Variants in PRR5 observed in about 807,000 individuals in gnomAD.
The protein encoded by PRR5 is proline-rich protein 5.
In PRR5, 25 loss-of-function variants were observed where a neutral mutation model predicts 30.6. That is an observed-to-expected ratio of 0.82 (90% CI 0.60 to 1.14). The LOEUF (loss-of-function observed/expected upper bound fraction) is 1.14, where lower values mean the gene tolerates loss of function less well. Ranked by LOEUF, PRR5 falls within the 50% of genes most tolerant of loss-of-function variation. PRR5 has a pLI of 0.00. For missense variants in PRR5, 600 were observed against 547.1 expected (o/e 1.10, Z -0.96); for synonymous variants, 286 against 247.1 (o/e 1.16, Z -1.48).
At chr22:44,702,189 C>T (rs1281385044), upstream of PRR5, 1 of 1,020,056 alleles carries the variant, frequency 9.8e-7, no homozygotes, top group Non-Finnish European at 1.2e-6. Flanking sequence ...TGGGCCCGCC[C>T]CCGGGTCCGC....
At chr22:44,693,240 G>A (rs1243456172) in intron 1 of PRR5, among the ~76,000 whole-genome samples, 1 of 152,140 alleles carries the variant, frequency 6.6e-6, no homozygotes, top group African/African-American at 2.4e-5. Context: ...AAGGTGGTTG[G>A]GTTGCTTGAT....
chr22:44,690,748 C>A (rs1177818561), intron 1 of PRR5, among the ~76,000 whole-genome samples: 1 of 152,152 alleles, frequency 6.6e-6, no homozygotes, highest in African/African-American at 2.4e-5. Context: ...AATAACCCAG[C>A]CGGAGGATGA....
chr22:44,704,660 G>A (rs979593653), intron 1 of PRR5, among the ~76,000 whole-genome samples: 4 of 151,928 alleles, frequency 2.6e-5, no homozygotes, highest in African/African-American at 7.3e-5. Context: ...GGCCAGCCCC[G>A]TTCACTGCCC....
chr22:44,731,595 C>T (rs572207861), intron 4 of PRR5, 135 bp from the exon 5 acceptor site: 7 of 781,990 alleles, frequency 9.0e-6, no homozygotes, highest in African/African-American at 5.1e-5. Flanking sequence ...AGCTGGACAT[C>T]GACCTTGGGC....
intron 2 of PRR5, among the ~76,000 whole-genome samples, 162 bp downstream of exon 2, chr22:44,714,833 C>G (rs1928813102): frequency 1.3e-5 from 2 of 152,188 alleles, no homozygotes; most frequent in Non-Finnish European, 2.9e-5. Context: ...TTAGCAGTGG[C>G]CATGGGGCCA....
intron 1 of PRR5, among the ~76,000 whole-genome samples, chr22:44,692,943 C>A (rs890526966): frequency 6.6e-6 from 1 of 152,124 alleles, no homozygotes; most frequent in African/African-American, 2.4e-5. Flanking sequence ...CTCCTCCTGG[C>A]CCCAGGAGTT....
upstream of PRR5, among the ~76,000 whole-genome samples, chr22:44,676,021 A>G (rs880857): frequency 0.066 from 10,055 of 151,972 alleles, 789 homozygotes; most frequent in African/African-American, 0.19. Flanking sequence ...CCTTAGCTCC[A>G]TTGTAGAAAC....
chr22:44,709,779 G>A (rs1927868431), intron 1 of PRR5, among the ~76,000 whole-genome samples: 1 of 152,186 alleles, frequency 6.6e-6, no homozygotes, highest in Non-Finnish European at 1.5e-5. Flanking sequence ...TTGAACCCAG[G>A]AGGCAGAGGT....
chr22:44,706,648 T>G (rs990840987), intron 1 of PRR5, among the ~76,000 whole-genome samples: 3 of 152,040 alleles, frequency 2.0e-5, no homozygotes, highest in Non-Finnish European at 4.4e-5. Flanking sequence ...CCCACCTCAG[T>G]CTCCCAAGTA....
chr22:44,729,604 T>A (rs1921546422), intron 4 of PRR5: 1 of 985,336 alleles, frequency 1.0e-6, no homozygotes, highest in Non-Finnish European at 1.2e-6. Context: ...TGAGTCCGCC[T>A]GGAGGAACTT....
At chr22:44,733,247 G>A (rs907510038) in intron 6 of PRR5, among the ~76,000 whole-genome samples, 1 of 152,194 alleles carries the variant, frequency 6.6e-6, no homozygotes, top group Non-Finnish European at 1.5e-5. Context: ...CCCTTCCCAG[G>A]CACCACACTT....
chr22:44,729,195 C>T (rs1022455133), intron 4 of PRR5: 69 of 690,034 alleles, frequency 1.0e-4, no homozygotes, highest in Non-Finnish European at 1.2e-4. Flanking sequence ...GTGCCTCGGC[C>T]GTCCCCGCGC....
At chr22:44,708,474 G>A (rs1027333457) in intron 1 of PRR5, among the ~76,000 whole-genome samples, 4 of 152,082 alleles carry the variant, frequency 2.6e-5, no homozygotes, top group African/African-American at 9.7e-5. Context: ...GGAACCAGCT[G>A]AGGCTGTGAC....
At chr22:44,689,138 C>T (rs6007243) in intron 1 of PRR5, among the ~76,000 whole-genome samples, 1 of 151,904 alleles carries the variant, frequency 6.6e-6, no homozygotes, top group Admixed American at 6.6e-5. Context: ...TAGGTTTTCT[C>T]GTTCTCTAAA....
intron 1 of PRR5, among the ~76,000 whole-genome samples, chr22:44,696,962 C>T (rs1925810960): frequency 6.6e-6 from 1 of 152,132 alleles, no homozygotes; most frequent in Non-Finnish European, 1.5e-5. Context: ...GTCTCCAACT[C>T]CTGACCTCAG....
chr22:44,718,192 CTTTTTTTT>C (rs34868054), intron 2 of PRR5, among the ~76,000 whole-genome samples: 6 of 94,578 alleles, frequency 6.3e-5, no homozygotes, highest in Non-Finnish European at 1.1e-4. Context: ...TTTCATCTCT[CTTTTTTTT>C]TTTTTTTTTT....
intron 1 of PRR5, among the ~76,000 whole-genome samples, chr22:44,711,961 C>T (rs1306016724): frequency 6.6e-6 from 1 of 152,092 alleles, no homozygotes; most frequent in African/African-American, 2.4e-5. Context: ...GCAGACTTCC[C>T]TCGGGATTTT....
At chr22:44,728,241 C>T (rs893648112) in intron 4 of PRR5, among the ~76,000 whole-genome samples, 1 of 152,230 alleles carries the variant, frequency 6.6e-6, no homozygotes, top group South Asian at 2.1e-4. Flanking sequence ...CTGGGCTCTA[C>T]GCTGGGAGTC....
Position 44,726,622 on chromosome 22 carries a change from C to A in PRR5, c.310C>A (p.Arg104Ser), listed in dbSNP as rs747683269. The change falls in exon 4 of 8, where the codon CGC becomes AGC. Residue 104 changes from arginine (R) to serine (S), a missense_variant. Transcript: ENST00000336985. ...CATGGTGATCCTTCGGGACAAGATT[C>A]GCTTCTATGAGGGTGAGTGTGGGCC... ...KGMVILRDKI[R>S]FYEGQKLLDS... 1.2e-6 allele frequency: 2 copies of A among 1,614,000 alleles called. No individual in the cohort carries two copies. Among genetic ancestry groups the A allele is most frequent in the Non-Finnish European group, 1.7e-6 (2 of 1,180,038 alleles).
Sources: gnomAD v4.1 joint callset for allele counts (sites outside exome capture counted in the v4.1 genomes callset) on GRCh38, gnomAD v4.1.1 for gene constraint, MANE v1.5 for transcripts, NCBI Gene and HGNC (gene_info 2026-07-23, HGNC 2026-07-21) for gene names.